The following KCNQ1 variants were observed in gnomAD, a reference collection of about 807,000 sequenced individuals.
The protein encoded by KCNQ1 is potassium voltage-gated channel subfamily KQT member 1.
In KCNQ1, 49 loss-of-function variants were observed where a neutral mutation model predicts 72.4. The ratio of observed to expected loss-of-function variants is 0.68; its 90% confidence interval spans 0.54 to 0.86. The LOEUF is 0.86. KCNQ1 is among the 40% of genes least tolerant of loss of function. The pLI, the probability that KCNQ1 is intolerant of heterozygous loss-of-function variation, is 0.00. For missense variants in KCNQ1, 790 were observed against 945.1 expected (o/e 0.84, Z 2.15); for synonymous variants, 450 against 412.6 (o/e 1.09, Z -1.10).
At position 2,787,439 on chromosome 11, in the gene KCNQ1, C is replaced by T. The variant is rs1186641281; in HGVS notation, c.1794+9402C>T. ...TCAAATACCTTCAGGGCCCCTATTA[C>T]CTCTGGGGTTCCACTTTCACTGAGT... is the stretch of plus-strand genomic sequence containing the variant. On this transcript the variant is annotated intron_variant, in intron 15 of 15. Transcript: ENST00000155840. The surrounding 1 kb of genome is among the most constrained non-coding windows in gnomAD (Gnocchi z 6.3). Among the ~76,000 whole-genome samples the T allele has an allele frequency of 6.6e-6, 1 of 152,156 alleles. No homozygotes were observed. The highest frequency in any genetic ancestry group is 1.5e-5 in the Non-Finnish European group (1 of 68,038).
Position 2,678,569 on chromosome 11 carries a change from A to G in KCNQ1, c.1514+16488A>G, listed in dbSNP as rs1464734952. The G allele has an allele frequency of 5.0e-6, 2 of 398,480 alleles. No homozygotes were observed. Among genetic ancestry groups the G allele is most frequent in the African/African-American group, 4.1e-5 (2 of 48,628 alleles). The allele number at this position is 398,480 out of a possible 1,614,324, so 24.7% of individuals were successfully genotyped here. A position where few individuals can be genotyped will look rare whatever the true frequency, so the allele number is the denominator to read the frequency against. ...AGAGCTCAGTTATTTTAATTATGTA[A>G]CTTTATGATGCACTTATCTGTGTAG... is the stretch of plus-strand genomic sequence containing the variant. On this transcript the variant is annotated intron_variant, in intron 11 of 15. Coordinates refer to ENST00000155840, the MANE Select transcript of KCNQ1 (RefSeq NM_000218.3). This position sits in a 1 kb window ranked among gnomAD's most constrained non-coding sequence, Gnocchi z 4.9.
chr11:2,558,086 G>A (rs1160626181), intron 2 of KCNQ1, among the ~76,000 whole-genome samples: 1 of 152,224 alleles, frequency 6.6e-6, no homozygotes, highest in Non-Finnish European at 1.5e-5. Flanking sequence ...TAAATAGCCA[G>A]AAAGAAGAGA....
chr11:2,556,198 C>T (rs968017204), intron 2 of KCNQ1, among the ~76,000 whole-genome samples: 1 of 152,210 alleles, frequency 6.6e-6, no homozygotes, highest in Non-Finnish European at 1.5e-5. Context: ...CCAGGTTTCC[C>T]GTTTGATAAG....
Position 2,549,532 on chromosome 11 carries a change from G to A in KCNQ1, c.478-21096G>A, listed in dbSNP as rs565727231. ...AAAGCAGAGGGAGTGGAGTGTCACC[G>A]GGTGTCCCGGCGTGGGCAGGTCCTG... On this transcript the variant is annotated intron_variant, in intron 2 of 15. Transcript: ENST00000155840. This position sits in a 1 kb window ranked among gnomAD's most constrained non-coding sequence, Gnocchi z 6.2. 2.0e-5 allele frequency among the ~76,000 whole-genome samples: 3 copies of A among 152,196 alleles called. No individual in the cohort carries two copies. Among genetic ancestry groups the A allele is most frequent in the Non-Finnish European group, 4.4e-5 (3 of 68,004 alleles).
chr11:2,610,064 C>T, intron 10 of KCNQ1: 3 of 397,770 alleles, frequency 7.5e-6, no homozygotes, highest in Non-Finnish European at 1.3e-5. Context: ...TTGGTCTTTT[C>T]TATGTACTAT....
At chr11:2,616,889 A>C (rs1160039847) in intron 10 of KCNQ1, 1 of 397,684 alleles carries the variant, frequency 2.5e-6, no homozygotes, top group African/African-American at 2.1e-5. Flanking sequence ...TTGTAGGTCT[A>C]GTTGGTTTAT....
chr11:2,714,154 G>T (rs1490280526), intron 11 of KCNQ1, among the ~76,000 whole-genome samples: 1 of 152,234 alleles, frequency 6.6e-6, no homozygotes, highest in Non-Finnish European at 1.5e-5. Context: ...CAGGCGCAGT[G>T]CCCAGGCTGG....
intron 8 of KCNQ1, 139 bp from the exon 9 acceptor site, chr11:2,587,431 G>A (rs1564825929): frequency 1.6e-6 from 2 of 1,248,158 alleles, no homozygotes; most frequent in Non-Finnish European, 2.3e-6. Flanking sequence ...TGTCAAGCCT[G>A]TGACTCTGAG....
intron 10 of KCNQ1, among the ~76,000 whole-genome samples, chr11:2,596,841 G>C (rs1430696676): frequency 6.6e-6 from 1 of 151,700 alleles, no homozygotes; most frequent in Non-Finnish European, 1.5e-5. Flanking sequence ...AGCAAGTTAT[G>C]TCAATTATAT....
intron 11 of KCNQ1, among the ~76,000 whole-genome samples, chr11:2,733,001 G>A (rs1215234536): frequency 1.3e-5 from 2 of 152,136 alleles, no homozygotes; most frequent in African/African-American, 4.8e-5. Flanking sequence ...CCAGGGTCCT[G>A]GGAAGAGGGG....
At chr11:2,833,112 G>A (rs1236400207) in intron 15 of KCNQ1, among the ~76,000 whole-genome samples, 3 of 152,190 alleles carry the variant, frequency 2.0e-5, no homozygotes, top group Admixed American at 1.3e-4. Context: ...CCCACAGCTA[G>A]GAGGCTGTGG....
rs1847849351 is a variant in KCNQ1 at position 2,826,731 on chromosome 11, G to A, written c.1795-21036G>A. Among the ~76,000 whole-genome samples, 2 of 152,224 alleles carry A rather than the reference G, an allele frequency of 1.3e-5. No individual in the cohort carries two copies. The highest frequency in any genetic ancestry group is 2.1e-4 in the South Asian group (1 of 4,830). ...TCCCCTGGGCACCCCTCGTCTTGGG[G>A]CCCCTGCCCTGCCTCCACTCAGAAT... On this transcript the variant is annotated intron_variant, in intron 15 of 15. Coordinates refer to ENST00000155840, the MANE Select transcript of KCNQ1 (RefSeq NM_000218.3). The surrounding 1 kb of genome is among the most constrained non-coding windows in gnomAD (Gnocchi z 4.2).
rs1039614959 is a variant in KCNQ1 at position 2,647,064 on chromosome 11, A to C, written c.1394-14897A>C. 1.5e-5 allele frequency: 6 copies of C among 398,448 alleles called. No homozygotes were observed. Among genetic ancestry groups the C allele is most frequent in the Non-Finnish European group, 2.2e-5 (5 of 226,056 alleles). 24.7% of individuals were successfully genotyped at this position (398,448 alleles called of 1,614,324 possible). A position where few individuals can be genotyped will look rare whatever the true frequency, so the allele number is the denominator to read the frequency against. Reference sequence around the variant, plus strand: ...AAAGTGGGCATCCTTGTCTTGTTCTAGTTCTAAGAGAGAAGGTGTTTAGCT... The same window carrying C: ...AAAGTGGGCATCCTTGTCTTGTTCTCGTTCTAAGAGAGAAGGTGTTTAGCT... On this transcript the variant is annotated intron_variant, in intron 10 of 15. Coordinates refer to ENST00000155840, the MANE Select transcript of KCNQ1 (RefSeq NM_000218.3). The surrounding 1 kb of genome is among the most constrained non-coding windows in gnomAD (Gnocchi z 4.0).
chr11:2,542,149 C>T (rs1847837742), intron 2 of KCNQ1, among the ~76,000 whole-genome samples: 1 of 152,266 alleles, frequency 6.6e-6, no homozygotes, highest in South Asian at 2.1e-4. Context: ...ATCCTCTCTG[C>T]ACCTCAGCTT....
intron 2 of KCNQ1, among the ~76,000 whole-genome samples, chr11:2,534,244 C>G (rs1847690745): frequency 6.6e-6 from 1 of 152,230 alleles, no homozygotes; most frequent in Admixed American, 6.5e-5. Context: ...CTGGCCTCCA[C>G]TTGCTCAGGG....
At position 2,681,283 on chromosome 11, in the gene KCNQ1, C is replaced by T. The variant is rs231358; in HGVS notation, c.1514+19202C>T. 0.59 allele frequency: 234,692 copies of T among 398,146 alleles called. 74,421 individuals are homozygous for T. Among genetic ancestry groups the T allele is most frequent in the East Asian group, 0.99 (27,839 of 28,014 alleles). The allele number at this position is 398,146 out of a possible 1,614,324, so 24.7% of individuals were successfully genotyped here. A position where few individuals can be genotyped will look rare whatever the true frequency, so the allele number is the denominator to read the frequency against. On this transcript the variant is annotated intron_variant, in intron 11 of 15. Coordinates refer to ENST00000155840, the MANE Select transcript of KCNQ1 (RefSeq NM_000218.3). The stretch of plus-strand genomic sequence containing the variant: ...GAGAGAGCTTCACTTTCTCCCTATA[C>T]CTTCCTGTCCTACCAGCCCACCTGG...
At chr11:2,643,353 A>T (rs1196974222) in intron 10 of KCNQ1, 2 of 398,348 alleles carry the variant, frequency 5.0e-6, no homozygotes, top group Non-Finnish European at 4.4e-6. Context: ...TTGGGTGCAT[A>T]TATGTTTAGA....
intron 6 of KCNQ1, among the ~76,000 whole-genome samples, chr11:2,576,999 A>C (rs11824323): frequency 0.15 from 22,168 of 152,232 alleles, 3,671 homozygotes; most frequent in African/African-American, 0.41. Flanking sequence ...CTCCATCTGC[A>C]CATGGGAGAC....
At position 2,724,491 on chromosome 11, in the gene KCNQ1, G is replaced by A. The variant is rs1845724324; in HGVS notation, c.1515-44353G>A. Among the ~76,000 whole-genome samples the A allele has an allele frequency of 6.6e-6, 1 of 152,166 alleles. No homozygotes were observed. The highest frequency in any genetic ancestry group is 6.5e-5 in the Admixed American group (1 of 15,288). On this transcript the variant is annotated intron_variant, in intron 11 of 15. Transcript: ENST00000155840. The surrounding 1 kb of genome is among the most constrained non-coding windows in gnomAD (Gnocchi z 6.8). ...GTGGGAGGGCAAAGAGAGAGAAGTG[G>A]TGGGTGGCAGCGAGCAGGCTGTCCT...
Sources: allele counts gnomAD v4.1 joint callset (sites outside exome capture counted in the v4.1 genomes callset), GRCh38; gene constraint gnomAD v4.1.1; non-coding constraint Gnocchi (gnomAD v3.1); transcripts MANE v1.5; gene names NCBI Gene and HGNC (gene_info 2026-07-23, HGNC 2026-07-21).